DIAPH1: variants seen among roughly 807,000 people sequenced by gnomAD.
DIAPH1 encodes diaphanous related formin 1.
A neutral mutation model predicts 140.7 loss-of-function variants in DIAPH1; 46 were observed. That is an observed-to-expected ratio of 0.33 (90% CI 0.26 to 0.42). The LOEUF (loss-of-function observed/expected upper bound fraction) is 0.42. Among genes scored for constraint, DIAPH1 ranks in the 10% least tolerant of loss-of-function variants. The pLI, the probability that DIAPH1 is intolerant of heterozygous loss-of-function variation, is 1.00. For synonymous variants in DIAPH1, 565 were observed against 551.6 expected (o/e 1.02, Z -0.34); for missense variants, 1,310 against 1,558.7 (o/e 0.84, Z 2.69).
chr5:141,584,415 A>G (rs1316647730), intron 3 of DIAPH1, among the ~76,000 whole-genome samples, 190 bp from the exon 4 acceptor site: 4 of 152,180 alleles, frequency 2.6e-5, no homozygotes, highest in Non-Finnish European at 5.9e-5. Flanking sequence ...TATAGTTAAC[A>G]TTTTAGTATA....
intron 18 of DIAPH1, among the ~76,000 whole-genome samples, chr5:141,536,940 T>C (rs1250547019): frequency 1.5e-4 from 23 of 151,566 alleles, no homozygotes; most frequent in Non-Finnish European, 3.4e-4. Flanking sequence ...GAGGCCTAGG[T>C]GGGAGGGTCA....
At chr5:141,585,770 A>G (rs1245400184) in intron 3 of DIAPH1, among the ~76,000 whole-genome samples, 1 of 152,044 alleles carries the variant, frequency 6.6e-6, no homozygotes. Flanking sequence ...ACAGAGCAAT[A>G]CTCCATCTCA....
chr5:141,590,095 G>A (rs539791144), intron 1 of DIAPH1, among the ~76,000 whole-genome samples: 11 of 152,048 alleles, frequency 7.2e-5, no homozygotes, highest in African/African-American at 2.7e-4. Context: ...TGAAAAACTG[G>A]TTCCATTTCT....
chr5:141,553,684 T>G (rs1425299099), intron 18 of DIAPH1, among the ~76,000 whole-genome samples: 1 of 150,760 alleles, frequency 6.6e-6, no homozygotes, highest in Non-Finnish European at 1.5e-5. Flanking sequence ...AATGCATATA[T>G]GACAGGGAAA....
At chr5:141,571,608 C>A (rs1319052777) in intron 17 of DIAPH1, among the ~76,000 whole-genome samples, 172 bp from the exon 18 acceptor site, 1 of 152,162 alleles carries the variant, frequency 6.6e-6, no homozygotes, top group Non-Finnish European at 1.5e-5. Context: ...GGAAACTGCA[C>A]CTTAAGGCAG....
At chr5:141,603,892 T>C (rs2099900533) in intron 1 of DIAPH1, among the ~76,000 whole-genome samples, 1 of 152,140 alleles carries the variant, frequency 6.6e-6, no homozygotes, top group Non-Finnish European at 1.5e-5. Flanking sequence ...CCTAAAGCCC[T>C]GCAACTGGCA....
chr5:141,577,858 A>C, intron 11 of DIAPH1: 1 of 498,650 alleles, frequency 2.0e-6, no homozygotes, highest in Admixed American at 3.3e-5. Context: ...ATAAGAGGTA[A>C]CTGCCTCAAA....
chr5:141,608,203 C>T (rs949200820), intron 1 of DIAPH1, among the ~76,000 whole-genome samples: 8 of 152,324 alleles, frequency 5.3e-5, no homozygotes, highest in Non-Finnish European at 1.2e-4. Flanking sequence ...ACTCTGGAGG[C>T]TGAGGTGGGA....
At chr5:141,618,531 G>T in intron 1 of DIAPH1, 1 of 368,736 alleles carries the variant, frequency 2.7e-6, no homozygotes, top group South Asian at 3.6e-5. Flanking sequence ...AGCCGGCCGG[G>T]GATATGCGGG....
chr5:141,582,467 C>A lies in DIAPH1; in HGVS notation c.621-92G>T, dbSNP rs1449563935. 3 of 920,936 alleles carry A rather than the reference C, an allele frequency of 3.3e-6. No individual in the cohort carries two copies. In the African/African-American group the frequency reaches 4.9e-5, roughly 15 times the overall value. The allele number at this position is 920,936 out of a possible 1,614,324, so 57.0% of individuals were successfully genotyped here. ...CAAACAAGGTTCTTAGGAACAACAG[C>A]CCCATCTAGCAGATGAGTAAATTTT... is the stretch of plus-strand genomic sequence containing the variant. On this transcript the variant is annotated intron_variant, in intron 6 of 27. Coordinates refer to ENST00000389054, the MANE Select transcript of DIAPH1 (RefSeq NM_005219.5).
chr5:141,597,259 A>C (rs2099899469), intron 1 of DIAPH1, among the ~76,000 whole-genome samples: 1 of 152,186 alleles, frequency 6.6e-6, no homozygotes, highest in Non-Finnish European at 1.5e-5. Context: ...ATCCTACAAA[A>C]TTCCACAGAA....
At chr5:141,593,926 A>C (rs903836353) in intron 1 of DIAPH1, among the ~76,000 whole-genome samples, 1 of 152,086 alleles carries the variant, frequency 6.6e-6, no homozygotes, top group Non-Finnish European at 1.5e-5. Context: ...AAGCCTCCCG[A>C]GTAGCTGGGA....
At position 141,556,900 on chromosome 5, in the gene DIAPH1, G is replaced by T. The variant is rs144910200; in HGVS notation, c.2482+14528C>A. Among the ~76,000 whole-genome samples, 58 of 152,252 alleles carry T rather than the reference G, an allele frequency of 3.8e-4. No homozygotes were observed. In the East Asian group the frequency reaches 0.011, roughly 28 times the overall value. ...AGTAGAGACGAGGTTTCGCCATATT[G>T]GCCAGGCTGGTCTCAAACTCCCAAC... On this transcript the variant is annotated intron_variant, in intron 18 of 27. Transcript: ENST00000389054.
rs1339571940 is a variant in DIAPH1, at chr5:141,578,565, C to G, written c.994G>C (p.Val332Leu). The change falls in exon 10 of 28, where the codon GTT becomes CTT. Residue 332 changes from valine (V) to leucine (L), a missense_variant. Val to Leu is a conservative substitution (Grantham distance 32, BLOSUM62 1). Around this residue, in one of 3 missense-constraint regions of DIAPH1, gnomAD observed 377 missense variants for 497.1 expected, o/e 0.76. Coordinates refer to ENST00000389054, the MANE Select transcript of DIAPH1 (RefSeq NM_005219.5). ...CGCATCAGTTCACTTCTGATGTGAA[C>G]TCGGAAGTCAAGTTCCTCCGCTGGT... ...ITPAEELDFR[V>L]HIRSELMRLG... 1 of 1,613,840 alleles carries G rather than the reference C, an allele frequency of 6.2e-7. No individual in the cohort carries two copies. Among genetic ancestry groups the G allele is most frequent in the Non-Finnish European group, 8.5e-7 (1 of 1,180,032 alleles).
chr5:141,584,868 G>C (rs1332551154), intron 3 of DIAPH1, among the ~76,000 whole-genome samples: 2 of 152,074 alleles, frequency 1.3e-5, no homozygotes, highest in Non-Finnish European at 1.5e-5. Flanking sequence ...AATGTTATTT[G>C]AATTGAGAAA....
chr5:141,578,337 G>T lies in DIAPH1; in HGVS notation c.1051C>A (p.Arg351=). The change falls in exon 11 of 28, where the codon CGA becomes AGA. Residue 351 remains arginine, a synonymous_variant. Coordinates refer to ENST00000389054, the MANE Select transcript of DIAPH1 (RefSeq NM_005219.5). The part of the protein sequence containing the change: ...LGLHQVLQDL[R]EIENEDMRVQ... ...CTCATATCTTCATTTTCAATCTCTCGAAGGTCCTGTCAACAACAAAAGTAG... is the reference window on the plus strand; with the variant it reads ...CTCATATCTTCATTTTCAATCTCTCTAAGGTCCTGTCAACAACAAAAGTAG... 1.9e-6 allele frequency: 3 copies of T among 1,612,708 alleles called. No individual in the cohort carries two copies. The highest frequency in any genetic ancestry group is 2.2e-5 in the South Asian group (2 of 91,050).
chr5:141,536,612 T>C lies in DIAPH1; in HGVS notation c.2483-2179A>G, dbSNP rs138642010. ...TTTGATGACGGGGGCAGTTTACAAT[T>C]TTAGAGGGATGGTCAGGGAAGATCT... On this transcript the variant is annotated intron_variant, in intron 18 of 27. Coordinates refer to ENST00000389054, the MANE Select transcript of DIAPH1 (RefSeq NM_005219.5). Among the ~76,000 whole-genome samples the C allele has an allele frequency of 5.3e-5, 8 of 152,086 alleles. No individual in the cohort carries two copies. In the East Asian group the frequency reaches 1.6e-3, roughly 29 times the overall value.
intron 18 of DIAPH1, among the ~76,000 whole-genome samples, chr5:141,556,986 C>T (rs991683725): frequency 5.9e-5 from 9 of 152,100 alleles, no homozygotes; most frequent in Middle Eastern, 3.2e-3. Context: ...TGAGTCACCG[C>T]GCCTGGCAGA....
intron 1 of DIAPH1, among the ~76,000 whole-genome samples, chr5:141,591,148 C>G (rs190728708): frequency 6.6e-5 from 10 of 152,218 alleles, no homozygotes; most frequent in Admixed American, 5.9e-4. Context: ...ACAGATGACG[C>G]TGCCTCAATG....
Sources: gnomAD v4.1 joint callset for allele counts (sites outside exome capture counted in the v4.1 genomes callset) on GRCh38, gnomAD v4.1.1 for gene constraint, gnomAD v4.1.1 regional missense constraint, MANE v1.5 for transcripts, NCBI Gene and HGNC (gene_info 2026-07-23, HGNC 2026-07-21) for gene names.